Variants in GPLD1 observed in about 807,000 individuals in gnomAD.
GPLD1 encodes the protein phosphatidylinositol-glycan-specific phospholipase D.
In GPLD1, 84 loss-of-function variants were observed where a neutral mutation model predicts 112.6. The ratio of observed to expected loss-of-function variants is 0.75; its 90% CI spans 0.63 to 0.89. GPLD1 has a LOEUF of 0.89. GPLD1 is among the 40% of genes least tolerant of loss of function. GPLD1 has a pLI of 0.00. For synonymous variants in GPLD1, 386 were observed against 403.8 expected (o/e 0.96, Z 0.53); for missense variants, 1,044 against 1,051.5 (o/e 0.99, Z 0.10).
intron 11 of GPLD1, among the ~76,000 whole-genome samples, chr6:24,460,742 T>C (rs1236933700): frequency 5.7e-5 from 3 of 52,436 alleles, no homozygotes; most frequent in Non-Finnish European, 1.5e-4. Context: ...CATACTGATT[T>C]TTTTTTTTTT....
In GPLD1 at chr6:24,439,748, T is replaced by C. The variant is rs1378105596; in HGVS notation, c.2021-2459A>G. 2.0e-5 allele frequency among the ~76,000 whole-genome samples: 3 copies of C among 152,208 alleles called. No individual in the cohort carries two copies. The East Asian group carries it at 5.8e-4, about 29-fold the overall frequency. ...GTACTGAAAATAATTCTGAAGAACT[T>C]TGGCTTTTAAAAGGGCTACATGCAG... On this transcript the variant is annotated intron_variant, in intron 20 of 24. Transcript: ENST00000230036.
chr6:24,449,789 T>C lies in GPLD1; in HGVS notation c.1446A>G (p.Lys482=), dbSNP rs146667108. ...CAACCCTATCCAGCAGCAGCCTTAC[T>C]TTGTAGGTGAGCTGCTCGGAGCCCA... The part of the protein sequence containing the change: ...PSVGSEQLTY[K]GAVYVYFGSK... Residue 482 remains lysine (K), a splice_region_variant and synonymous_variant, in exon 15 of 25, where the codon AAA becomes AAG. Transcript: ENST00000230036. 71 of 1,602,962 alleles carry C rather than the reference T, an allele frequency of 4.4e-5. No homozygotes were observed. The African/African-American group carries it at 7.1e-4, about 16-fold the overall frequency.
In GPLD1 at chr6:24,475,203, A is replaced by G; in HGVS notation, c.359T>C (p.Phe120Ser). 1 of 1,610,664 alleles carries G rather than the reference A, an allele frequency of 6.2e-7. No individual in the cohort carries two copies. The highest frequency in any genetic ancestry group is 1.3e-5 in the African/African-American group (1 of 74,960). ...KDTEKLVAFLFGITSHMAADV... is the reference protein window; with the variant it reads ...KDTEKLVAFLSGITSHMAADV... ...TGCCGCCATGTGAGAAGTAATTCCA[A>G]ACAAGAAAGCTACCAGTTTCTCTGT... is the stretch of plus-strand genomic sequence containing the variant. Residue 120 changes from phenylalanine (F) to serine (S), a missense_variant, in exon 5 of 25, where the codon TTT (phenylalanine) becomes TCT (serine). Transcript: ENST00000230036.
chr6:24,493,754 CA>C (rs1764617018), upstream of GPLD1, among the ~76,000 whole-genome samples: 1 of 152,174 alleles, frequency 6.6e-6, no homozygotes, highest in Non-Finnish European at 1.5e-5. Flanking sequence ...CAGCAAAAGA[CA>C]AAGTCAAAAT....
At chr6:24,487,760 C>T (rs1764425281) in intron 1 of GPLD1, among the ~76,000 whole-genome samples, 1 of 152,228 alleles carries the variant, frequency 6.6e-6, no homozygotes. Context: ...GAACCTAAGT[C>T]TGATCCTCTT....
upstream of GPLD1, among the ~76,000 whole-genome samples, chr6:24,493,486 A>T (rs1241797677): frequency 6.6e-6 from 1 of 152,132 alleles, no homozygotes; most frequent in African/African-American, 2.4e-5. Context: ...TCACAAGAAC[A>T]AAACAAACAA....
At position 24,427,067 on chromosome 6, in the gene GPLD1, T is replaced by A. The variant is rs1301885802; in HGVS notation, c.*1965A>T. Reference sequence around the variant, plus strand: ...TGAGAAGAGAAGGGCTCTTCTCATTTGTTATTTTCTCCTGCTTTTAGTATC... The same window carrying A: ...TGAGAAGAGAAGGGCTCTTCTCATTAGTTATTTTCTCCTGCTTTTAGTATC... On this transcript the variant is annotated 3_prime_UTR_variant, in exon 25 of 25. Transcript: ENST00000230036. 6.6e-6 allele frequency among the ~76,000 whole-genome samples: 1 copy of A among 152,216 alleles called. No homozygotes were observed. The highest frequency in any genetic ancestry group is 1.5e-5 in the Non-Finnish European group (1 of 68,040).
At chr6:24,438,421 C>G (rs534068580) in intron 20 of GPLD1, among the ~76,000 whole-genome samples, 29 of 152,274 alleles carry the variant, frequency 1.9e-4, no homozygotes, top group Non-Finnish European at 3.7e-4. Context: ...CGTATGCTGG[C>G]AAAGTGTCAG....
intron 1 of GPLD1, among the ~76,000 whole-genome samples, chr6:24,489,194 C>T (rs1022134136): frequency 6.6e-6 from 1 of 152,162 alleles, no homozygotes; most frequent in Non-Finnish European, 1.5e-5. Context: ...ACCAATGGGG[C>T]ATCAGCTCTC....
chr6:24,446,680 A>G (rs897815835), intron 18 of GPLD1, among the ~76,000 whole-genome samples, 158 bp downstream of exon 18: 4 of 152,230 alleles, frequency 2.6e-5, no homozygotes, highest in Admixed American at 2.6e-4. Flanking sequence ...TTAAATTTCT[A>G]AGGAGGAGAA....
intron 14 of GPLD1, among the ~76,000 whole-genome samples, chr6:24,450,233 C>T (rs774153712): frequency 2.0e-5 from 3 of 152,260 alleles, no homozygotes; most frequent in Admixed American, 6.5e-5. Context: ...TAAAATAGGC[C>T]GGGCACGGTG....
intron 22 of GPLD1, among the ~76,000 whole-genome samples, chr6:24,434,347 G>A (rs978195277): frequency 3.3e-5 from 5 of 151,516 alleles, no homozygotes; most frequent in Admixed American, 6.6e-5. Context: ...TTACTGAGCC[G>A]AGATCATGCC....
rs1044948042 is a variant in GPLD1 at position 24,427,013 on chromosome 6, T to C, written c.*2019A>G. The stretch of plus-strand genomic sequence containing the variant: ...AGCTGGATTCCTCTTCCTGTCCCCT[T>C]TTCACCAGTCTCTACTCTTGAGAGA... On this transcript the variant is annotated 3_prime_UTR_variant, in exon 25 of 25. Transcript: ENST00000230036. Among the ~76,000 whole-genome samples the C allele has an allele frequency of 2.0e-5, 3 of 152,182 alleles. No individual in the cohort carries two copies. The highest frequency in any genetic ancestry group is 4.4e-5 in the Non-Finnish European group (3 of 68,034).
chr6:24,493,232 T>C (rs1430030813), upstream of GPLD1, among the ~76,000 whole-genome samples: 1 of 152,156 alleles, frequency 6.6e-6, no homozygotes, highest in Non-Finnish European at 1.5e-5. Flanking sequence ...TCCCAGCACT[T>C]TGGGAGGCCA....
At chr6:24,461,855 G>A (rs1763448521) in intron 11 of GPLD1, among the ~76,000 whole-genome samples, 1 of 152,070 alleles carries the variant, frequency 6.6e-6, no homozygotes, top group Non-Finnish European at 1.5e-5. Context: ...ATTAATAAAT[G>A]ATATTTTATT....
At position 24,450,192 on chromosome 6, in the gene GPLD1, A is replaced by G. The variant is rs192827999; in HGVS notation, c.1336-293T>C. Among the ~76,000 whole-genome samples the G allele has an allele frequency of 5.8e-3, 880 of 152,304 alleles. 35 individuals carry two copies. Among genetic ancestry groups the G allele is most frequent in the Admixed American group, 0.055 (845 of 15,296 alleles). ...TAGCCTCGTGTATGTTCAGACCCAC[A>G]TTAAGCACAAAACTTATCTTCGAAA... On this transcript the variant is annotated intron_variant, in intron 14 of 24. Coordinates refer to ENST00000230036, the MANE Select transcript of GPLD1 (RefSeq NM_001503.4).
Position 24,466,699 on chromosome 6 carries a change from T to G in GPLD1, c.802A>C (p.Met268Leu), listed in dbSNP as rs773985809. Residue 268 changes from methionine to leucine, a missense_variant, in exon 10 of 25, where the codon ATG (methionine) becomes CTG (leucine). By Grantham distance (15) the Met-to-Leu change is conservative. Transcript: ENST00000230036. ...ATTCACCTGGTCCCATTCTCCAACA[T>G]GAAGCTTGTTAGATGGTAAATATTA... ...STNIYHLTSF[M>L]LENGTSDCNL... 1 of 1,612,364 alleles carries G rather than the reference T, an allele frequency of 6.2e-7. No individual in the cohort carries two copies. Among genetic ancestry groups the G allele is most frequent in the African/African-American group, 1.3e-5 (1 of 74,910 alleles).
At chr6:24,462,973 G>T (rs1209129449) in intron 10 of GPLD1, among the ~76,000 whole-genome samples, 178 bp from the exon 11 acceptor site, 2 of 152,186 alleles carry the variant, frequency 1.3e-5, no homozygotes, top group African/African-American at 4.8e-5. Flanking sequence ...GCTGACGGTT[G>T]TCACTATCAT....
At chr6:24,455,409 C>T (rs1304520521) in intron 13 of GPLD1, among the ~76,000 whole-genome samples, 4 of 152,168 alleles carry the variant, frequency 2.6e-5, no homozygotes, top group Non-Finnish European at 1.5e-5. Context: ...GGAAATTGTG[C>T]CAAGGAAATG....
Sources: allele counts gnomAD v4.1 joint callset (sites outside exome capture counted in the v4.1 genomes callset), GRCh38; gene constraint gnomAD v4.1.1; transcripts MANE v1.5; gene names NCBI Gene and HGNC (gene_info 2026-07-23, HGNC 2026-07-21).